CTIF: variants seen among roughly 807,000 people sequenced by gnomAD.
The protein encoded by CTIF is cap binding complex dependent translation initiation factor, also known as CBP80/20-dependent translation initiation factor.
A neutral mutation model predicts 66.0 loss-of-function variants in CTIF; 21 were observed. That is an observed-to-expected ratio of 0.32 (90% CI 0.23 to 0.46). CTIF has a LOEUF of 0.46. CTIF is among the 20% of genes least tolerant of loss of function. CTIF has a pLI of 1.00. For missense variants in CTIF, 739 were observed against 812.7 expected, an observed-to-expected ratio of 0.91 and a Z score of 1.10; for synonymous variants, 345 against 326.4, an observed-to-expected ratio of 1.06 and a Z score of -0.62.
Position 48,787,869 on chromosome 18 carries a change from A to G in CTIF, c.1371+26180A>G, listed in dbSNP as rs535327461. ...AGCACCCTGAGGGGACTGGCCACAC[A>G]GAAAGGCATGAGAAAGTCTGCTGGC... On this transcript the variant is annotated intron_variant, in intron 9 of 11. Coordinates refer to ENST00000256413, the MANE Select transcript of CTIF (RefSeq NM_014772.3). 3.9e-4 allele frequency among the ~76,000 whole-genome samples: 60 copies of G among 152,302 alleles called. 1 individual carries two copies. Among genetic ancestry groups the G allele is most frequent in the African/African-American group, 1.3e-3 (54 of 41,540 alleles).
intron 1 of CTIF, among the ~76,000 whole-genome samples, chr18:48,555,548 C>T (rs938422637): frequency 6.6e-6 from 1 of 152,176 alleles, no homozygotes; most frequent in East Asian, 1.9e-4. Context: ...CATGCAGGCT[C>T]CTACCCCTGA....
intron 10 of CTIF, among the ~76,000 whole-genome samples, chr18:48,835,943 CCT>C (rs1303015477): frequency 6.6e-6 from 1 of 152,162 alleles, no homozygotes; most frequent in African/African-American, 2.4e-5. Flanking sequence ...CTCCCAGCTC[CCT>C]GTTTGCATTT....
At chr18:48,721,122 G>T (rs562452379) in intron 7 of CTIF, among the ~76,000 whole-genome samples, 1 of 152,224 alleles carries the variant, frequency 6.6e-6, no homozygotes, top group Non-Finnish European at 1.5e-5. Flanking sequence ...ACTCTTTCTC[G>T]ATCACAATAA....
At chr18:48,730,638 C>T (rs1258837543) in intron 7 of CTIF, among the ~76,000 whole-genome samples, 1 of 92,800 alleles carries the variant, frequency 1.1e-5, no homozygotes, top group Admixed American at 1.0e-4. Context: ...GTGAGGGGCC[C>T]CTGTGGTGTG....
rs2069439459 is a variant in CTIF at position 48,860,455 on chromosome 18, G to GA, written c.*896_*897insA. 1 of 157,358 alleles carries GA rather than the reference G, an allele frequency of 6.4e-6. No individual in the cohort carries two copies. Among genetic ancestry groups the GA allele is most frequent in the African/African-American group, 2.4e-5 (1 of 41,500 alleles). The allele number at this position is 157,358 out of a possible 1,614,324, so 9.7% of individuals were successfully genotyped here. On this transcript the variant is annotated 3_prime_UTR_variant, in exon 12 of 12. Coordinates refer to ENST00000256413, the MANE Select transcript of CTIF (RefSeq NM_014772.3). ...GTAATTGGAAACTTCTGCCCCGGCGGGGGGTCCCCGCTGGAATCCTGTGTT... is the reference window on the plus strand; with the variant it reads ...GTAATTGGAAACTTCTGCCCCGGCGGAGGGGTCCCCGCTGGAATCCTGTGTT...
chr18:48,627,658 G>T (rs972376219), intron 2 of CTIF, among the ~76,000 whole-genome samples: 1 of 151,920 alleles, frequency 6.6e-6, no homozygotes, highest in Non-Finnish European at 1.5e-5. Context: ...CCCAGAGGTT[G>T]CAGTGAGCTG....
At chr18:48,772,946 T>C (rs1023144638) in intron 9 of CTIF, among the ~76,000 whole-genome samples, 6 of 152,152 alleles carry the variant, frequency 3.9e-5, no homozygotes, top group African/African-American at 1.4e-4. Flanking sequence ...ATGGGGGAAA[T>C]ATCATGAACC....
chr18:48,680,623 G>A (rs138507151), intron 6 of CTIF, among the ~76,000 whole-genome samples: 3 of 152,236 alleles, frequency 2.0e-5, no homozygotes, highest in East Asian at 1.9e-4. Flanking sequence ...CAGCCTTGCC[G>A]TCCCTGTCCT....
intron 1 of CTIF, among the ~76,000 whole-genome samples, chr18:48,547,673 A>G (rs992965459): frequency 7.2e-5 from 11 of 152,306 alleles, no homozygotes; most frequent in Non-Finnish European, 8.8e-5. Flanking sequence ...GATGGTTTCT[A>G]GACCTTTCAC....
chr18:48,545,344 A>G (rs1298789067), intron 1 of CTIF, among the ~76,000 whole-genome samples: 1 of 152,186 alleles, frequency 6.6e-6, no homozygotes, highest in East Asian at 1.9e-4. Context: ...TCGGAAGGGA[A>G]CAGGACTGGG....
chr18:48,719,681 C>T (rs1181313885), intron 7 of CTIF, among the ~76,000 whole-genome samples: 1 of 152,202 alleles, frequency 6.6e-6, no homozygotes, highest in Non-Finnish European at 1.5e-5. Flanking sequence ...ACTCTGCCTC[C>T]TTGTTTCAGC....
chr18:48,649,002 T>C (rs974771215), intron 3 of CTIF, among the ~76,000 whole-genome samples: 9 of 152,098 alleles, frequency 5.9e-5, no homozygotes, highest in Non-Finnish European at 1.3e-4. Context: ...GATGGCCAAA[T>C]AGGAACAGCT....
At chr18:48,549,990 G>T (rs994334103) in intron 1 of CTIF, among the ~76,000 whole-genome samples, 1 of 152,006 alleles carries the variant, frequency 6.6e-6, no homozygotes, top group African/African-American at 2.4e-5. Context: ...TTGTTTGTTT[G>T]TTTTTTTAAA....
At chr18:48,768,947 A>G (rs1206098655) in intron 9 of CTIF, among the ~76,000 whole-genome samples, 1 of 152,234 alleles carries the variant, frequency 6.6e-6, no homozygotes, top group Non-Finnish European at 1.5e-5. Context: ...TGGGATTTCA[A>G]AATCCACCCT....
intron 7 of CTIF, among the ~76,000 whole-genome samples, chr18:48,755,151 A>G (rs1454413140): frequency 1.3e-5 from 2 of 152,236 alleles, no homozygotes; most frequent in African/African-American, 4.8e-5. Context: ...AAGGATGACG[A>G]AAGTTGTGAG....
At position 48,758,131 on chromosome 18, in the gene CTIF, G is replaced by T. The variant is rs1908577586; in HGVS notation, c.797G>T (p.Gly266Val). 1 of 1,614,036 alleles carries T rather than the reference G, an allele frequency of 6.2e-7. No individual in the cohort carries two copies. The highest frequency in any genetic ancestry group is 8.5e-7 in the Non-Finnish European group (1 of 1,180,006). ...CCACCAGGCGACAAGGGGGAGGCAGGCGCACACCGCAATGCCAAAGAGACC... is the reference window on the plus strand; with the variant it reads ...CCACCAGGCGACAAGGGGGAGGCAGTCGCACACCGCAATGCCAAAGAGACC... ...KHPPGDKGEA[G>V]AHRNAKETMT... Residue 266 changes from glycine (G) to valine (V), a missense_variant, in exon 8 of 12, where the codon GGC becomes GTC. By Grantham distance (109) the Gly-to-Val change is moderately radical (BLOSUM62 -3). Around this residue, in one of 2 missense-constraint regions of CTIF, gnomAD observed 529 missense variants for 520.3 expected, o/e 1.02. Coordinates refer to ENST00000256413, the MANE Select transcript of CTIF (RefSeq NM_014772.3).
chr18:48,589,432 G>A (rs1174147471), intron 1 of CTIF, among the ~76,000 whole-genome samples: 1 of 152,122 alleles, frequency 6.6e-6, no homozygotes, highest in African/African-American at 2.4e-5. Flanking sequence ...CTTCTTATAA[G>A]GACCCCAGTC....
intron 9 of CTIF, among the ~76,000 whole-genome samples, chr18:48,783,402 CT>C (rs1267593921): frequency 6.6e-6 from 1 of 151,788 alleles, no homozygotes; most frequent in Non-Finnish European, 1.5e-5. Context: ...ACGGATGAAG[CT>C]TTAAAAAAAA....
At chr18:48,817,078 C>T (rs80216581) in intron 9 of CTIF, 143 bp from the exon 10 acceptor site, 42,999 of 766,564 alleles carry the variant, frequency 0.056, 1,528 homozygotes, top group South Asian at 0.098. Flanking sequence ...AGTGCAATCA[C>T]GCACCCCCAT....
Sources: gnomAD v4.1 joint callset for allele counts (sites outside exome capture counted in the v4.1 genomes callset) on GRCh38, gnomAD v4.1.1 for gene constraint, gnomAD v4.1.1 regional missense constraint, MANE v1.5 for transcripts, NCBI Gene and HGNC (gene_info 2026-07-23, HGNC 2026-07-21) for gene names.